Variants in USP28 observed in about 807,000 individuals in gnomAD.
USP28 encodes ubiquitin specific peptidase 28.
USP28 carries 113 observed loss-of-function variants against 145.0 expected under a neutral mutation model. The ratio of observed to expected loss-of-function variants is 0.78; its 90% CI spans 0.67 to 0.91. The LOEUF (loss-of-function observed/expected upper bound fraction) is 0.91, where lower values mean the gene tolerates loss of function less well. USP28 is among the 40% of genes least tolerant of loss of function. The probability of loss-of-function intolerance (pLI) is 0.00; values close to 1 mark genes in which losing one functional copy is unlikely to be tolerated. For synonymous variants in USP28, 447 were observed against 450.9 expected, an observed-to-expected ratio of 0.99 and a Z score of 0.11; for missense variants, 1,201 against 1,289.6, an observed-to-expected ratio of 0.93 and a Z score of 1.05.
chr11:113,831,933 C>T, exon 8 of USP28: 1 of 1,613,826 alleles, frequency 6.2e-7, no homozygotes, highest in Non-Finnish European at 8.5e-7. Context: ...ACATTAACAG[C>T]TAGCTGGAAT....
intron 18 of USP28, 47 bp from the exon 20 acceptor site, chr11:113,806,631 G>C (rs370969818): frequency 2.5e-5 from 34 of 1,344,548 alleles, no homozygotes; most frequent in African/African-American, 4.5e-5. Context: ...GAGAAGAAAG[G>C]TTCAGCAGAA....
chr11:113,831,797 T>C, intron 8 of USP28, 123 bp downstream of exon 8: 1 of 808,598 alleles, frequency 1.2e-6, no homozygotes, highest in South Asian at 1.8e-5. Context: ...ACCTCAGTGG[T>C]TATCCCAGGA....
At chr11:113,799,058 T>C (rs1938446557) in exon 25 of USP28, 2 of 617,564 alleles carry the variant, frequency 3.2e-6, no homozygotes, top group Admixed American at 3.4e-5. Context: ...GCTTTTATGA[T>C]TTTGTACCTA....
At chr11:113,817,421 A>G (rs1941899659) in intron 13 of USP28, among the ~76,000 whole-genome samples, 1 of 152,280 alleles carries the variant, frequency 6.6e-6, no homozygotes, top group East Asian at 1.9e-4. Context: ...CCTGAACACT[A>G]TCCTGAACAG....
At chr11:113,865,544 G>A (rs1203475774) in intron 1 of USP28, among the ~76,000 whole-genome samples, 1 of 152,098 alleles carries the variant, frequency 6.6e-6, no homozygotes, top group Admixed American at 6.5e-5. Flanking sequence ...AAATAAACTC[G>A]TATCTGTGGT....
rs367604348 is a variant in USP28 at position 113,852,552 on chromosome 11, T to C, written c.217A>G (p.Thr73Ala). ...CTCCCCTCTACTTCAGATGGTTCTG[T>C]AGCAACAGTGTCTTGACTGGGCTCC... Residue 73 changes from threonine (T) to alanine (A), a missense_variant, in exon 3 of 25, where the codon ACA becomes GCA. Thr to Ala is a moderately conservative substitution (Grantham distance 58). Transcript: ENST00000003302. The C allele has an allele frequency of 3.1e-6, 5 of 1,614,194 alleles. No homozygotes were observed. Among genetic ancestry groups the C allele is most frequent in the Non-Finnish European group, 4.2e-6 (5 of 1,180,046 alleles).
chr11:113,871,313 G>T (rs1948788282), intron 1 of USP28, among the ~76,000 whole-genome samples: 1 of 152,228 alleles, frequency 6.6e-6, no homozygotes, highest in South Asian at 2.1e-4. Flanking sequence ...CAAGGGAGAA[G>T]ACAGTGAAGG....
At chr11:113,875,310 C>T in intron 1 of USP28, 135 bp downstream of exon 1, 1 of 668,644 alleles carries the variant, frequency 1.5e-6, no homozygotes, top group Non-Finnish European at 1.9e-6. Context: ...CTCACCCACG[C>T]TGGCGGGCGC....
chr11:113,799,164 T>A, exon 25 of USP28: 1 of 1,496,596 alleles, frequency 6.7e-7, no homozygotes, highest in Non-Finnish European at 9.0e-7. Flanking sequence ...TTTCCCAAGG[T>A]GAGCACTATG....
exon 16 of USP28, chr11:113,812,472 A>T: frequency 6.2e-7 from 1 of 1,614,116 alleles, no homozygotes; most frequent in Non-Finnish European, 8.5e-7. Flanking sequence ...CTTGTCCTTC[A>T]TGAACAAGAA....
chr11:113,836,027 G>A (rs558304723), intron 5 of USP28, among the ~76,000 whole-genome samples: 37 of 152,206 alleles, frequency 2.4e-4, no homozygotes, highest in Middle Eastern at 3.4e-3. Context: ...GCCGTGAGCC[G>A]AGATCGCACC....
intron 2 of USP28, 110 bp from the exon 3 acceptor site, chr11:113,852,743 A>C: frequency 8.2e-7 from 1 of 1,226,408 alleles, no homozygotes; most frequent in African/African-American, 1.5e-5. Context: ...TTCAGGCATA[A>C]TTCTAGGGTA....
At chr11:113,806,708 T>C (rs1380151033) in intron 18 of USP28, 124 bp from the exon 20 acceptor site, 2 of 604,932 alleles carry the variant, frequency 3.3e-6, no homozygotes, top group Non-Finnish European at 5.5e-6. Flanking sequence ...TTGGCCAGCA[T>C]GTATTGCAAG....
intron 1 of USP28, among the ~76,000 whole-genome samples, chr11:113,860,457 G>C (rs200600527): frequency 1.2e-4 from 17 of 138,036 alleles, no homozygotes; most frequent in South Asian, 4.7e-4. Context: ...AAAAAAAAAA[G>C]AAAAAACAAA....
intron 5 of USP28, among the ~76,000 whole-genome samples, chr11:113,834,982 T>C (rs1429160868): frequency 6.6e-6 from 1 of 152,180 alleles, no homozygotes; most frequent in Admixed American, 6.5e-5. Context: ...GATACATCCA[T>C]GTGTGGTTAT....
intron 1 of USP28, among the ~76,000 whole-genome samples, chr11:113,864,154 T>A (rs148793468): frequency 0.013 from 2,035 of 151,518 alleles, 25 homozygotes; most frequent in Non-Finnish European, 0.025. Flanking sequence ...GGCGGGAGAA[T>A]CCCTTGAACT....
intron 5 of USP28, among the ~76,000 whole-genome samples, chr11:113,839,080 C>T (rs1056146786): frequency 6.6e-6 from 1 of 152,130 alleles, no homozygotes; most frequent in Admixed American, 6.5e-5. Context: ...TACTAATTTC[C>T]AAAACTGTAT....
exon 3 of USP28, chr11:113,852,555 C>A: frequency 6.2e-7 from 1 of 1,614,156 alleles, no homozygotes; most frequent in Non-Finnish European, 8.5e-7. Context: ...GGTTCTGTAG[C>A]AACAGTGTCT....
chr11:113,858,758 C>T (rs979124408), intron 1 of USP28, among the ~76,000 whole-genome samples: 47 of 152,256 alleles, frequency 3.1e-4, no homozygotes, highest in Admixed American at 2.9e-3. Context: ...TATAGGCACC[C>T]ACCACCACGC....
Sources: gnomAD v4.1 joint callset for allele counts (sites outside exome capture counted in the v4.1 genomes callset) on GRCh38, gnomAD v4.1.1 for gene constraint, MANE v1.5 for transcripts, NCBI Gene and HGNC (gene_info 2026-07-23, HGNC 2026-07-21) for gene names.